ADGRV1: variants seen among roughly 807,000 people sequenced by gnomAD.
The protein encoded by ADGRV1 is G-protein coupled receptor 98.
ADGRV1 carries 359 observed loss-of-function variants against 596.2 expected under a neutral mutation model. The observed-to-expected ratio is 0.60, with a 90% CI of 0.55 to 0.66. ADGRV1 has a LOEUF of 0.66. Among genes scored for constraint, ADGRV1 ranks in the 30% least tolerant of loss-of-function variants. The probability of loss-of-function intolerance (pLI) is 0.00; values close to 1 mark genes in which losing one functional copy is unlikely to be tolerated. For synonymous variants in ADGRV1, 2,681 were observed against 2,679.2 expected (o/e 1.00, Z -0.02); for missense variants, 7,274 against 7,575.6 (o/e 0.96, Z 1.48).
intron 85 of ADGRV1, among the ~76,000 whole-genome samples, chr5:91,067,244 T>A (rs1581952356): frequency 6.7e-6 from 1 of 149,786 alleles, no homozygotes; most frequent in Non-Finnish European, 1.5e-5. Context: ...TCTGGGTTCG[T>A]GTGATTCTCC....
chr5:90,778,070 T>C (rs1186439228), intron 62 of ADGRV1, 27 bp downstream of exon 62: 2 of 1,547,636 alleles, frequency 1.3e-6, no homozygotes, highest in East Asian at 2.4e-5. Context: ...GTTTCTTTTA[T>C]GCCCTTTACT....
rs758784613 is a variant in ADGRV1, at chr5:90,642,659, T to C, written c.2264T>C (p.Leu755Pro). ...AGGGTTAACGTGGAAAACCAAGTGC[T>C]GAAATCTGGATATACTAGCCGTGAC... ...LDRVNVENQV[L>P]KSGYTSRDLI... is the part of the protein sequence containing the mutation. Residue 755 changes from leucine to proline, a missense_variant, in exon 12 of 90, where the codon CTG (leucine) becomes CCG (proline). Physicochemically the swap from Leu to Pro is moderately conservative, Grantham distance 98. Coordinates refer to ENST00000405460, the MANE Select transcript of ADGRV1 (RefSeq NM_032119.4). The C allele has an allele frequency of 1.2e-6, 2 of 1,613,466 alleles. No individual in the cohort carries two copies. Among genetic ancestry groups the C allele is most frequent in the African/African-American group, 1.3e-5 (1 of 75,026 alleles).
chr5:90,801,689 AAAG>A (rs776728387), intron 70 of ADGRV1, among the ~76,000 whole-genome samples: 7 of 152,166 alleles, frequency 4.6e-5, no homozygotes, highest in South Asian at 2.1e-4. Context: ...ATTATATTTA[AAAG>A]AAGAAGAGAC....
chr5:90,928,160 T>C (rs564971646), intron 83 of ADGRV1, among the ~76,000 whole-genome samples: 2 of 152,278 alleles, frequency 1.3e-5, no homozygotes, highest in South Asian at 4.1e-4. Context: ...CTGTATTTCC[T>C]GAATCTGAAC....
chr5:90,703,159 T>A (rs1195508876), intron 34 of ADGRV1, among the ~76,000 whole-genome samples: 2 of 152,068 alleles, frequency 1.3e-5, no homozygotes, highest in Non-Finnish European at 2.9e-5. Flanking sequence ...GTATTTCTTT[T>A]TATAATACAA....
At position 90,755,046 on chromosome 5, in the gene ADGRV1, T is replaced by TTCACTTGAGAGC; in HGVS notation, c.11445_11456dup (p.His3815_Ala3818dup). ...AAAGGACTACTTGGGGATATTGCCA[T>TTCACTTGAGAGC]TCACTTGAGAGCTCAACCCAATTTC... On this transcript the variant is annotated inframe_insertion, in exon 55 of 90. Transcript: ENST00000405460. The TTCACTTGAGAGC allele has an allele frequency of 6.2e-7, 1 of 1,613,204 alleles. No homozygotes were observed. The highest frequency in any genetic ancestry group is 2.2e-5 in the East Asian group (1 of 44,874).
In ADGRV1 at chr5:91,131,238, G is replaced by A. The variant is rs541639894; in HGVS notation, c.18433-18792G>A. Among the ~76,000 whole-genome samples the A allele has an allele frequency of 1.5e-3, 225 of 152,254 alleles. 1 individual carries two copies. Among genetic ancestry groups the A allele is most frequent in the Non-Finnish European group, 2.7e-3 (182 of 68,026 alleles). On this transcript the variant is annotated intron_variant, in intron 87 of 89. Coordinates refer to ENST00000405460, the MANE Select transcript of ADGRV1 (RefSeq NM_032119.4). ...TGAACTAATTTGCATTCTCGCCAAC[G>A]TATATAAAAATTCCCTTTTCTCTAC... is the stretch of plus-strand genomic sequence containing the variant.
At chr5:90,872,826 T>C (rs1450787734) in intron 83 of ADGRV1, among the ~76,000 whole-genome samples, 2 of 152,182 alleles carry the variant, frequency 1.3e-5, no homozygotes, top group African/African-American at 4.8e-5. Flanking sequence ...TCCACTTCCT[T>C]GGAGCCTAAT....
At chr5:90,814,479 T>G (rs185246139) in intron 74 of ADGRV1, among the ~76,000 whole-genome samples, 9 of 152,148 alleles carry the variant, frequency 5.9e-5, no homozygotes, top group Non-Finnish European at 1.3e-4. Context: ...CATCTCCAGT[T>G]GTAATCCCCC....
intron 85 of ADGRV1, among the ~76,000 whole-genome samples, chr5:91,067,967 A>G (rs1348816484): frequency 6.6e-6 from 1 of 152,198 alleles, no homozygotes; most frequent in Non-Finnish European, 1.5e-5. Flanking sequence ...TTCATGTGGA[A>G]GAATCAGGTC....
chr5:90,797,790 A>T (rs1398648518), intron 70 of ADGRV1, among the ~76,000 whole-genome samples: 1 of 152,216 alleles, frequency 6.6e-6, no homozygotes, highest in Non-Finnish European at 1.5e-5. Flanking sequence ...AGCACAGTGC[A>T]ATCAAATTAG....
intron 82 of ADGRV1, among the ~76,000 whole-genome samples, chr5:90,856,697 G>T (rs143897212): frequency 6.6e-6 from 1 of 152,136 alleles, no homozygotes; most frequent in East Asian, 1.9e-4. Context: ...AAACTTTGGA[G>T]CCAGACTGCT....
Position 90,685,375 on chromosome 5 carries a change from G to A in ADGRV1, c.6275-405G>A, listed in dbSNP as rs906883192. ...AGGCAGGCAGATTGCCTGAGCTCAG[G>A]AGTTCAAGACCAGCCTGGGCAACAT... On this transcript the variant is annotated intron_variant, in intron 28 of 89. Coordinates refer to ENST00000405460, the MANE Select transcript of ADGRV1 (RefSeq NM_032119.4). Among the ~76,000 whole-genome samples the A allele has an allele frequency of 4.6e-5, 7 of 152,060 alleles. No individual in the cohort carries two copies. In the East Asian group the frequency reaches 1.3e-3, roughly 29 times the overall value.
intron 89 of ADGRV1, among the ~76,000 whole-genome samples, 181 bp downstream of exon 89, chr5:91,153,579 C>A (rs1427100530): frequency 6.6e-6 from 1 of 152,146 alleles, no homozygotes; most frequent in Non-Finnish European, 1.5e-5. Context: ...AAATGTAAGA[C>A]AACCTAAAAA....
intron 85 of ADGRV1, chr5:91,031,396 T>C: frequency 1.9e-6 from 2 of 1,042,342 alleles, no homozygotes; most frequent in East Asian, 2.4e-5. Context: ...CTCTGTGCCA[T>C]GGTCCCGAAA....
At chr5:90,740,757 C>T (rs1318300298) in intron 50 of ADGRV1, among the ~76,000 whole-genome samples, 1 of 152,058 alleles carries the variant, frequency 6.6e-6, no homozygotes, top group Non-Finnish European at 1.5e-5. Context: ...GTGAATGGGC[C>T]CAGAATGTTG....
At chr5:91,005,026 A>C (rs1361268507) in intron 85 of ADGRV1, among the ~76,000 whole-genome samples, 4 of 152,198 alleles carry the variant, frequency 2.6e-5, no homozygotes, top group Admixed American at 6.5e-5. Flanking sequence ...AAGTACAGAC[A>C]TATTTTTTAA....
chr5:90,792,216 TG>T (rs1451218419), intron 70 of ADGRV1: 2 of 152,216 alleles, frequency 1.3e-5, no homozygotes, highest in Non-Finnish European at 2.9e-5. Flanking sequence ...AGGGGAATTC[TG>T]AAGCCTTTGG....
chr5:90,614,431 G>C (rs975318823), intron 1 of ADGRV1, among the ~76,000 whole-genome samples: 11 of 152,034 alleles, frequency 7.2e-5, no homozygotes, highest in Admixed American at 1.3e-4. Context: ...GGCTTCAACT[G>C]TTTCAGTTTT....
Sources: allele counts gnomAD v4.1 joint callset (sites outside exome capture counted in the v4.1 genomes callset), GRCh38; gene constraint gnomAD v4.1.1; transcripts MANE v1.5; gene names NCBI Gene and HGNC (gene_info 2026-07-23, HGNC 2026-07-21).